Variants in EEIG1 observed in about 807,000 individuals in gnomAD.
EEIG1 encodes the protein estrogen-induced osteoclastogenesis regulator 1, also known as early estrogen-induced gene 1 protein.
the EEIG1 span, among the ~76,000 whole-genome samples, chr9:127,975,662 T>C: frequency 6.6e-6 from 1 of 152,164 alleles, no homozygotes; most frequent in Non-Finnish European, 1.5e-5. Context: ...AAATGCTCTC[T>C]GCCCATCTCC....
chr9:127,976,679 G>C, the EEIG1 span, among the ~76,000 whole-genome samples: 1 of 152,230 alleles, frequency 6.6e-6, no homozygotes, highest in African/African-American at 2.4e-5. The surrounding 1 kb of genome is among the most constrained non-coding windows in gnomAD (Gnocchi z 4.1). Context: ...TGCTCTACCT[G>C]CTCAAATTGG....
the EEIG1 span, chr9:127,953,587 C>T: frequency 3.7e-6 from 6 of 1,614,024 alleles, no homozygotes; most frequent in African/African-American, 8.0e-5. Flanking sequence ...TGGAATAAGC[C>T]TTCCCGCCTT....
the EEIG1 span, chr9:127,944,930 C>T: frequency 1.7e-5 from 28 of 1,602,056 alleles, no homozygotes; most frequent in Middle Eastern, 3.3e-4. Flanking sequence ...CAAGTCACAA[C>T]GGTCAGGGCA....
the EEIG1 span, chr9:127,943,452 C>G: frequency 1.7e-6 from 1 of 587,938 alleles, no homozygotes; most frequent in Non-Finnish European, 3.1e-6. Context: ...AGAGCCCTTC[C>G]GGGCACATCT....
chr9:127,959,688 G>A, the EEIG1 span, among the ~76,000 whole-genome samples: 7 of 152,192 alleles, frequency 4.6e-5, no homozygotes, highest in Non-Finnish European at 1.0e-4. Context: ...TCTGTCTCCT[G>A]CTGCCATGTG....
chr9:127,959,593 T>C, the EEIG1 span, among the ~76,000 whole-genome samples: 1 of 152,116 alleles, frequency 6.6e-6, no homozygotes, highest in Non-Finnish European at 1.5e-5. Context: ...ATGGGGGTGG[T>C]TTCCCCGATG....
At chr9:127,965,635 T>C in the EEIG1 span, among the ~76,000 whole-genome samples, 1 of 152,200 alleles carries the variant, frequency 6.6e-6, no homozygotes, top group Non-Finnish European at 1.5e-5. Context: ...GCCTGGTTCC[T>C]GGAGGAGTGA....
the EEIG1 span, among the ~76,000 whole-genome samples, chr9:127,975,012 C>G: frequency 6.6e-6 from 1 of 152,172 alleles, no homozygotes; most frequent in Non-Finnish European, 1.5e-5. Flanking sequence ...TCCTGCCCTC[C>G]TGGAGCTCCA....
At chr9:127,943,072 G>C in the EEIG1 span, 3 of 881,058 alleles carry the variant, frequency 3.4e-6, no homozygotes, top group Admixed American at 3.8e-5. Flanking sequence ...TGGAGTGCAT[G>C]GAGGAGGCAT....
chr9:127,979,970 G>A, the EEIG1 span: 1 of 1,601,726 alleles, frequency 6.2e-7, no homozygotes, highest in East Asian at 2.2e-5. Flanking sequence ...GCTGCTGCAG[G>A]CGCGACCGCC....
the EEIG1 span, among the ~76,000 whole-genome samples, chr9:127,960,254 C>T: frequency 2.0e-5 from 3 of 152,100 alleles, no homozygotes; most frequent in African/African-American, 7.2e-5. Context: ...TGCAGAGGCC[C>T]TGAGGCAGAA....
the EEIG1 span, chr9:127,972,794 A>C: frequency 1.3e-5 from 2 of 152,152 alleles, no homozygotes; most frequent in Non-Finnish European, 2.9e-5. The surrounding 1 kb of genome is among the most constrained non-coding windows in gnomAD (Gnocchi z 4.3). Flanking sequence ...TGCATGTGAG[A>C]GCTCTTCCAA....
At chr9:127,975,246 C>T in the EEIG1 span, among the ~76,000 whole-genome samples, 207 of 152,348 alleles carry the variant, frequency 1.4e-3, 2 homozygotes, top group Non-Finnish European at 4.9e-4. Flanking sequence ...ACTAAAAGAA[C>T]CCCACCTGTG....
chr9:127,944,518 G>C, the EEIG1 span: 1 of 857,074 alleles, frequency 1.2e-6, no homozygotes, highest in South Asian at 1.5e-5. Context: ...GTGGCGACAA[G>C]ATTTGGCGTT....
At chr9:127,967,368 T>C in the EEIG1 span, among the ~76,000 whole-genome samples, 3 of 152,222 alleles carry the variant, frequency 2.0e-5, no homozygotes, top group African/African-American at 7.2e-5. Context: ...TGTCAGCCCA[T>C]TACCCCATCG....
the EEIG1 span, among the ~76,000 whole-genome samples, chr9:127,966,665 C>A: frequency 2.4e-3 from 367 of 152,318 alleles, 2 homozygotes; most frequent in African/African-American, 8.5e-3. Flanking sequence ...TTGAAGGGAC[C>A]CAAAGTAAAC....
the EEIG1 span, among the ~76,000 whole-genome samples, chr9:127,978,349 C>T: frequency 6.6e-6 from 1 of 152,122 alleles, no homozygotes; most frequent in African/African-American, 2.4e-5. Context: ...CTGACTTCCT[C>T]TTTCTGGGCC....
chr9:127,953,034 G>A, the EEIG1 span, among the ~76,000 whole-genome samples: 1 of 152,130 alleles, frequency 6.6e-6, no homozygotes, highest in Non-Finnish European at 1.5e-5. Context: ...GGAGGCTGAG[G>A]GAGGAGAATT....
the EEIG1 span, chr9:127,953,599 C>T: frequency 6.6e-5 from 106 of 1,614,150 alleles, no homozygotes; most frequent in Non-Finnish European, 8.6e-5. Flanking sequence ...TCCCGCCTTT[C>T]AGCTCCTGCA....
Sources: gnomAD v4.1 joint callset for allele counts (sites outside exome capture counted in the v4.1 genomes callset) on GRCh38, gnomAD v4.1.1 for gene constraint, Gnocchi (gnomAD v3.1) non-coding constraint, MANE v1.5 for transcripts, NCBI Gene and HGNC (gene_info 2026-07-23, HGNC 2026-07-21) for gene names.